The following GAB2 variants were observed in gnomAD, a reference collection of about 807,000 sequenced individuals.
GAB2 encodes the protein GRB2-associated-binding protein 2.
A neutral mutation model predicts 65.5 loss-of-function variants in GAB2; 26 were observed. The ratio of observed to expected loss-of-function variants is 0.40; its 90% CI spans 0.29 to 0.55. GAB2 has a LOEUF of 0.55. GAB2 is among the 20% of genes least tolerant of loss of function. GAB2 has a pLI of 0.53. For missense variants in GAB2, 884 were observed against 875.8 expected, an observed-to-expected ratio of 1.01 and a Z score of -0.12; for synonymous variants, 321 against 329.6, an observed-to-expected ratio of 0.97 and a Z score of 0.28.
In GAB2 at chr11:78,289,453, A is replaced by G. The variant is rs997652211; in HGVS notation, c.76-8552T>C. On this transcript the variant is annotated intron_variant, in intron 1 of 9. Coordinates refer to ENST00000361507, the MANE Select transcript of GAB2 (RefSeq NM_080491.3). ...TTTGGGATCTAAGGTACATTTCATG[A>G]GAAATCAACAAGCTCCTTGTATAGA... is the stretch of plus-strand genomic sequence containing the variant. 2.6e-5 allele frequency among the ~76,000 whole-genome samples: 4 copies of G among 152,246 alleles called. No individual in the cohort carries two copies. In the East Asian group the frequency reaches 5.8e-4, roughly 22 times the overall value.
At chr11:78,254,817 AAAG>A (rs1441060499) in intron 2 of GAB2, among the ~76,000 whole-genome samples, 1 of 151,664 alleles carries the variant, frequency 6.6e-6, no homozygotes, top group African/African-American at 2.4e-5. Context: ...AAAAAAGAAA[AAAG>A]AAAAAAAAAA....
chr11:78,248,888 C>T (rs769400252), intron 3 of GAB2, among the ~76,000 whole-genome samples: 19 of 152,042 alleles, frequency 1.2e-4, no homozygotes, highest in Non-Finnish European at 2.4e-4. Context: ...GTACTATTTA[C>T]AGTTAACGCC....
At chr11:78,334,916 C>T (rs1855973849) in intron 1 of GAB2, among the ~76,000 whole-genome samples, 1 of 152,198 alleles carries the variant, frequency 6.6e-6, no homozygotes, top group South Asian at 2.1e-4. Context: ...TTTGCTATTG[C>T]CTGTCTTTTG....
chr11:78,228,052 G>T (rs761985113), intron 3 of GAB2, among the ~76,000 whole-genome samples: 1 of 152,172 alleles, frequency 6.6e-6, no homozygotes, highest in Non-Finnish European at 1.5e-5. Flanking sequence ...AGAAACAAGA[G>T]GGGAGACTTG....
At chr11:78,377,932 C>T (rs1305820620) in intron 1 of GAB2, among the ~76,000 whole-genome samples, 1 of 152,206 alleles carries the variant, frequency 6.6e-6, no homozygotes, top group Non-Finnish European at 1.5e-5. Flanking sequence ...TTCCCTTTCT[C>T]ATGGAGGAAA....
intron 1 of GAB2, among the ~76,000 whole-genome samples, chr11:78,416,485 G>A (rs756074905): frequency 6.6e-6 from 1 of 152,244 alleles, no homozygotes; most frequent in African/African-American, 2.4e-5. Context: ...CACTGGTGCA[G>A]CTGACAGAGG....
rs753269969 is a variant in GAB2 at position 78,280,841 on chromosome 11, G to T, written c.136C>A (p.Leu46Met). ...SGRMSGDPDVLEYYKNDHSKK... is the reference protein window; with the variant it reads ...SGRMSGDPDVMEYYKNDHSKK... ...GAGTGATCGTTCTTGTAGTATTCCA[G>T]AACATCTGGGTCACCGCTCATCCGG... Residue 46 changes from leucine (L) to methionine (M), a missense_variant, in exon 2 of 10, where the codon CTG becomes ATG. Transcript: ENST00000361507. The T allele has an allele frequency of 6.2e-7, 1 of 1,613,978 alleles. No homozygotes were observed. The highest frequency in any genetic ancestry group is 8.5e-7 in the Non-Finnish European group (1 of 1,179,946).
chr11:78,368,863 G>T (rs1856532086), intron 1 of GAB2, among the ~76,000 whole-genome samples: 1 of 152,022 alleles, frequency 6.6e-6, no homozygotes, highest in African/African-American at 2.4e-5. Flanking sequence ...AATTGCTTGA[G>T]GCTAGGAGTT....
At chr11:78,355,228 T>G (rs1302928592) in intron 1 of GAB2, among the ~76,000 whole-genome samples, 1 of 152,228 alleles carries the variant, frequency 6.6e-6, no homozygotes, top group Non-Finnish European at 1.5e-5. Flanking sequence ...CTTTTAGGTT[T>G]CAGTTTCCTC....
At chr11:78,280,256 C>T (rs941007658) in intron 2 of GAB2, among the ~76,000 whole-genome samples, 2 of 152,090 alleles carry the variant, frequency 1.3e-5, no homozygotes, top group Non-Finnish European at 2.9e-5. Flanking sequence ...TGAGACCTTC[C>T]CTATGGGATG....
At chr11:78,322,262 G>A (rs1334132268) in intron 1 of GAB2, among the ~76,000 whole-genome samples, 1 of 121,866 alleles carries the variant, frequency 8.2e-6, no homozygotes, top group Non-Finnish European at 1.6e-5. Flanking sequence ...CCGAGCTACT[G>A]CACTGAAGCC....
intron 2 of GAB2, among the ~76,000 whole-genome samples, chr11:78,253,026 T>TTTTTG: frequency 6.7e-6 from 1 of 148,712 alleles, no homozygotes; most frequent in South Asian, 2.2e-4. Context: ...TTTTTTTTTT[T>TTTTTG]GTGAGACAGA....
intron 1 of GAB2, among the ~76,000 whole-genome samples, chr11:78,406,964 T>A (rs552606849): frequency 1.8e-4 from 27 of 152,096 alleles, no homozygotes; most frequent in Non-Finnish European, 3.7e-4. Flanking sequence ...AAAAAGTTCA[T>A]CAGTGAGTTC....
At chr11:78,307,514 T>G (rs574137808) in intron 1 of GAB2, among the ~76,000 whole-genome samples, 1 of 151,716 alleles carries the variant, frequency 6.6e-6, no homozygotes, top group Admixed American at 6.6e-5. Context: ...TCCCAGCACT[T>G]TGGGAGGCCA....
chr11:78,223,932 A>C (rs180852760), intron 5 of GAB2, among the ~76,000 whole-genome samples: 1 of 152,246 alleles, frequency 6.6e-6, no homozygotes, highest in Non-Finnish European at 1.5e-5. Flanking sequence ...AATCCAAAGT[A>C]TTAGCTGGGC....
At chr11:78,326,033 T>C (rs1855816021) in intron 1 of GAB2, among the ~76,000 whole-genome samples, 1 of 152,218 alleles carries the variant, frequency 6.6e-6, no homozygotes, top group Admixed American at 6.5e-5. Flanking sequence ...ATCATTCTTA[T>C]CTTGTGTTTC....
rs59326135 is a variant in GAB2 at position 78,218,575 on chromosome 11, G to T, written c.*697C>A. The T allele has an allele frequency of 0.015, 2,372 of 153,326 alleles. 66 individuals carry two copies. The highest frequency in any genetic ancestry group is 0.054 in the African/African-American group (2,249 of 41,548). 9.5% of individuals were successfully genotyped at this position (153,326 alleles called of 1,614,324 possible). ...TGGCCATCAGTTTTCCCTTCCTTTT[G>T]TCCTTCATCTTCTGCCTCTGCACCC... On this transcript the variant is annotated 3_prime_UTR_variant, in exon 10 of 10. Coordinates refer to ENST00000361507, the MANE Select transcript of GAB2 (RefSeq NM_080491.3).
At chr11:78,325,720 A>C (rs553738159) in intron 1 of GAB2, among the ~76,000 whole-genome samples, 21 of 152,302 alleles carry the variant, frequency 1.4e-4, no homozygotes, top group African/African-American at 3.9e-4. Flanking sequence ...ATCTTACATG[A>C]CTTAGCAACA....
Position 78,223,646 on chromosome 11 carries a change from T to C in GAB2, c.1333A>G (p.Ser445Gly), listed in dbSNP as rs1329236791. 1 of 1,609,114 alleles carries C rather than the reference T, an allele frequency of 6.2e-7. No individual in the cohort carries two copies. The highest frequency in any genetic ancestry group is 2.2e-5 in the East Asian group (1 of 44,728). Residue 445 changes from serine (S) to glycine (G), a missense_variant, in exon 6 of 10, where the codon AGC becomes GGC. Physicochemically the swap from Ser to Gly is moderately conservative, Grantham distance 56. Coordinates refer to ENST00000361507, the MANE Select transcript of GAB2 (RefSeq NM_080491.3). ...ACATAGTTGTCTTCAGAATTGGTGC[T>C]GTCCGATCGGCCCACAATCATTTTC... ...PGKMIVGRSD[S>G]TNSEDNYVPM... is the part of the protein sequence containing the mutation.
Sources: allele counts gnomAD v4.1 joint callset (sites outside exome capture counted in the v4.1 genomes callset), GRCh38; gene constraint gnomAD v4.1.1; transcripts MANE v1.5; gene names NCBI Gene and HGNC (gene_info 2026-07-23, HGNC 2026-07-21).